The following MAST4 variants were observed in gnomAD, a reference collection of about 807,000 sequenced individuals.
MAST4 encodes the protein microtubule-associated serine/threonine-protein kinase 4.
A neutral mutation model predicts 162.7 loss-of-function variants in MAST4; 89 were observed. The ratio of observed to expected loss-of-function variants is 0.55; its 90% CI spans 0.46 to 0.65. MAST4 has a LOEUF of 0.65. Ranked by LOEUF, MAST4 falls within the 30% of genes least tolerant of loss-of-function variation. MAST4 has a pLI of 0.00. For missense variants in MAST4, 3,153 were observed against 3,374.0 expected (o/e 0.93, Z 1.62); for synonymous variants, 1,479 against 1,361.1 (o/e 1.09, Z -1.91).
At chr5:66,970,997 ATG>A (rs1370682995) in intron 4 of MAST4, among the ~76,000 whole-genome samples, 1 of 152,120 alleles carries the variant, frequency 6.6e-6, no homozygotes, top group East Asian at 1.9e-4. Flanking sequence ...CCTCTTCCCA[ATG>A]TCTAGAAAGT....
chr5:67,096,232 A>G (rs1764455842), intron 7 of MAST4, among the ~76,000 whole-genome samples: 2 of 152,216 alleles, frequency 1.3e-5, no homozygotes, highest in East Asian at 1.9e-4. Flanking sequence ...TGAAAATAGG[A>G]TAGAGGAAAA....
intron 1 of MAST4, among the ~76,000 whole-genome samples, chr5:66,718,839 G>A (rs978629499): frequency 1.3e-5 from 2 of 152,088 alleles, no homozygotes; most frequent in Admixed American, 6.6e-5. Flanking sequence ...TGTGCTTCTT[G>A]CTTGACTTCG....
chr5:66,878,291 C>T (rs939768358), intron 3 of MAST4, among the ~76,000 whole-genome samples: 2 of 152,188 alleles, frequency 1.3e-5, no homozygotes, highest in Non-Finnish European at 2.9e-5. Flanking sequence ...CAGGACAAAG[C>T]TATGACAGCG....
At chr5:67,052,395 AC>A (rs1262115714) in intron 4 of MAST4, among the ~76,000 whole-genome samples, 1 of 151,720 alleles carries the variant, frequency 6.6e-6, no homozygotes, top group Non-Finnish European at 1.5e-5. Flanking sequence ...TCACTTTTCT[AC>A]CCCTTTTTGA....
chr5:67,120,596 T>G (rs1320945629), intron 13 of MAST4, among the ~76,000 whole-genome samples: 4 of 152,168 alleles, frequency 2.6e-5, no homozygotes, highest in Non-Finnish European at 5.9e-5. Context: ...CAATGAAGAT[T>G]GCCACAGGAA....
chr5:67,068,926 G>A (rs1760569778), intron 5 of MAST4, among the ~76,000 whole-genome samples: 1 of 151,968 alleles, frequency 6.6e-6, no homozygotes, highest in South Asian at 2.1e-4. Flanking sequence ...CACGTGGGCT[G>A]AGAGAGGAAA....
intron 4 of MAST4, among the ~76,000 whole-genome samples, chr5:67,004,125 G>A (rs1751640641): frequency 6.6e-6 from 1 of 152,194 alleles, no homozygotes; most frequent in South Asian, 2.1e-4. Flanking sequence ...TTATTTCCGG[G>A]ACGGATCCAT....
chr5:66,770,466 AG>A (rs754870233), intron 2 of MAST4, among the ~76,000 whole-genome samples: 11 of 152,132 alleles, frequency 7.2e-5, no homozygotes, highest in Non-Finnish European at 1.2e-4. Flanking sequence ...TCTACCGATG[AG>A]TCATTGCCCC....
At chr5:66,770,693 C>T (rs1754320006) in intron 2 of MAST4, among the ~76,000 whole-genome samples, 1 of 152,132 alleles carries the variant, frequency 6.6e-6, no homozygotes, top group South Asian at 2.1e-4. Flanking sequence ...TCTCTTATAC[C>T]CGGGGCAGGT....
At chr5:67,103,127 A>C (rs1191294727) in intron 9 of MAST4, among the ~76,000 whole-genome samples, 1 of 152,230 alleles carries the variant, frequency 6.6e-6, no homozygotes, top group Non-Finnish European at 1.5e-5. Context: ...CGTGTTCTCC[A>C]GTTAGACTGG....
At chr5:66,778,420 T>A (rs1389368845) in intron 2 of MAST4, among the ~76,000 whole-genome samples, 1 of 152,202 alleles carries the variant, frequency 6.6e-6, no homozygotes, top group South Asian at 2.1e-4. Context: ...AAGGTAGTGA[T>A]GTGCTTGTAA....
In MAST4 at chr5:67,166,733, T is replaced by A; in HGVS notation, c.7554T>A (p.Ser2518Arg). 6.3e-7 allele frequency: 1 copy of A among 1,588,378 alleles called. No individual in the cohort carries two copies. Among genetic ancestry groups the A allele is most frequent in the Non-Finnish European group, 8.6e-7 (1 of 1,168,262 alleles). ...AGGGCCGAACCCACATGACAAAGAG[T>A]GACTCCCTGCCCTCCTTCCGGGTCT... The part of the protein sequence containing the change: ...AGEGRTHMTK[S>R]DSLPSFRVST... Residue 2518 changes from serine (S) to arginine (R), a missense_variant, in exon 29 of 29, where the codon AGT becomes AGA. By Grantham distance (110) the Ser-to-Arg change is moderately radical. Transcript: ENST00000403625.
At chr5:66,986,846 A>G (rs1749566872) in intron 4 of MAST4, among the ~76,000 whole-genome samples, 2 of 151,942 alleles carry the variant, frequency 1.3e-5, no homozygotes, top group South Asian at 4.2e-4. Flanking sequence ...TCCTGGCCTC[A>G]AGCAATGCTC....
chr5:66,845,351 G>A (rs1395104603), intron 3 of MAST4, among the ~76,000 whole-genome samples: 1 of 151,578 alleles, frequency 6.6e-6, no homozygotes, highest in Non-Finnish European at 1.5e-5. Context: ...TCCCACCTAT[G>A]AGTAAGAACA....
Position 66,788,759 on chromosome 5 carries a change from C to T in MAST4, c.607C>T (p.Leu203=). The change falls in exon 3 of 29, where the codon CTG becomes TTG. Residue 203 remains leucine, a synonymous_variant. Transcript: ENST00000403625. ...CCTCGTGCGCATGCGCAGCCAGGCC[C>T]TGGGCCAGTCGGCGCCCTCGCTCAC... is the stretch of plus-strand genomic sequence containing the variant. ...SNLVRMRSQA[L]GQSAPSLTAS... 2.5e-6 allele frequency: 4 copies of T among 1,606,858 alleles called. No homozygotes were observed. The highest frequency in any genetic ancestry group is 2.6e-6 in the Non-Finnish European group (3 of 1,175,978).
intron 1 of MAST4, among the ~76,000 whole-genome samples, chr5:66,698,300 C>T (rs1224521544): frequency 6.6e-6 from 1 of 151,856 alleles, no homozygotes; most frequent in Non-Finnish European, 1.5e-5. Flanking sequence ...TCCCATCTTA[C>T]TCATTCTCAT....
intron 1 of MAST4, among the ~76,000 whole-genome samples, chr5:66,707,494 T>A (rs1423458032): frequency 6.6e-6 from 1 of 152,188 alleles, no homozygotes; most frequent in Non-Finnish European, 1.5e-5. Context: ...AAGTTCAAGA[T>A]CAAGGTGCGA....
chr5:66,890,844 G>A (rs1005335368), intron 3 of MAST4, among the ~76,000 whole-genome samples: 6 of 152,188 alleles, frequency 3.9e-5, no homozygotes, highest in East Asian at 1.9e-4. Context: ...TAGCCTGTGT[G>A]TGCCTCAGTT....
chr5:67,072,077 A>G (rs1761066634), intron 5 of MAST4, among the ~76,000 whole-genome samples: 1 of 152,220 alleles, frequency 6.6e-6, no homozygotes, highest in Admixed American at 6.5e-5. Context: ...TTTTTTAAAC[A>G]TTTTAGAATA....
Sources: gnomAD v4.1 joint callset for allele counts (sites outside exome capture counted in the v4.1 genomes callset) on GRCh38, gnomAD v4.1.1 for gene constraint, MANE v1.5 for transcripts, NCBI Gene and HGNC (gene_info 2026-07-23, HGNC 2026-07-21) for gene names.